The following KCNJ6 variants were observed in gnomAD, a reference collection of about 807,000 sequenced individuals.
KCNJ6 encodes the protein G protein-activated inward rectifier potassium channel 2.
A neutral mutation model predicts 34.2 loss-of-function variants in KCNJ6; 9 were observed. That is an observed-to-expected ratio of 0.26 (90% CI 0.16 to 0.46). The LOEUF (loss-of-function observed/expected upper bound fraction) is 0.46. KCNJ6 is among the 20% of genes least tolerant of loss of function. The pLI is 1.00. For missense variants in KCNJ6, 236 were observed against 531.3 expected (o/e 0.44, Z 5.46); for synonymous variants, 196 against 207.1 (o/e 0.95, Z 0.46).
chr21:37,866,406 T>C (rs1368304823), intron 1 of KCNJ6, among the ~76,000 whole-genome samples: 1 of 152,190 alleles, frequency 6.6e-6, no homozygotes, highest in South Asian at 2.1e-4. Flanking sequence ...GAGAATACCT[T>C]TGGGTTTCTA....
chr21:37,697,089 T>C (rs557661416), intron 3 of KCNJ6, among the ~76,000 whole-genome samples: 4 of 152,338 alleles, frequency 2.6e-5, no homozygotes, highest in African/African-American at 9.6e-5. Context: ...ACAGGTGCTG[T>C]GGTCTTCATG....
intron 3 of KCNJ6, among the ~76,000 whole-genome samples, chr21:37,697,488 G>A (rs1190261376): frequency 1.3e-5 from 2 of 152,204 alleles, no homozygotes; most frequent in Non-Finnish European, 2.9e-5. Context: ...ACGACTTTGA[G>A]TTGAGAAATT....
chr21:37,884,309 C>A (rs1601516344), intron 1 of KCNJ6, among the ~76,000 whole-genome samples: 1 of 152,158 alleles, frequency 6.6e-6, no homozygotes, highest in African/African-American at 2.4e-5. Context: ...CAGGTGTTCA[C>A]CTTGTTCCTC....
chr21:37,733,619 A>AAAAACCC (rs2054897588), intron 2 of KCNJ6, among the ~76,000 whole-genome samples: 1 of 152,164 alleles, frequency 6.6e-6, no homozygotes, highest in Non-Finnish European at 1.5e-5. Flanking sequence ...GTTTTTTAGG[A>AAAAACCC]TAAAATAAGA....
chr21:37,835,389 T>G (rs2055446801), intron 2 of KCNJ6, among the ~76,000 whole-genome samples: 2 of 152,130 alleles, frequency 1.3e-5, no homozygotes, highest in Admixed American at 1.3e-4. Context: ...AGACCAGATA[T>G]CTGATTACAA....
chr21:37,740,544 A>G (rs2054936066), intron 2 of KCNJ6, among the ~76,000 whole-genome samples: 1 of 152,146 alleles, frequency 6.6e-6, no homozygotes, highest in African/African-American at 2.4e-5. Context: ...GACTGAACCA[A>G]TGTATTTCTG....
At chr21:37,670,812 C>G (rs1389202641) in intron 3 of KCNJ6, among the ~76,000 whole-genome samples, 4 of 152,238 alleles carry the variant, frequency 2.6e-5, no homozygotes, top group Non-Finnish European at 4.4e-5. Context: ...GCCCTCCAAC[C>G]TATAAGCACA....
intron 1 of KCNJ6, among the ~76,000 whole-genome samples, chr21:37,894,984 A>AT (rs909946568): frequency 4.6e-5 from 7 of 152,216 alleles, no homozygotes; most frequent in Non-Finnish European, 8.8e-5. Flanking sequence ...TGTTGCCCAG[A>AT]TTGGTCTCAA....
intron 3 of KCNJ6, among the ~76,000 whole-genome samples, chr21:37,658,781 G>A (rs2054475601): frequency 6.6e-6 from 1 of 152,214 alleles, no homozygotes; most frequent in African/African-American, 2.4e-5. Context: ...AACAGAGGCA[G>A]TGGTCCTTTG....
intron 1 of KCNJ6, among the ~76,000 whole-genome samples, chr21:37,885,486 G>A (rs991904948): frequency 6.6e-6 from 1 of 152,222 alleles, no homozygotes; most frequent in Admixed American, 6.5e-5. Context: ...TTAAGAGAGG[G>A]AGATGATCCT....
At chr21:37,817,948 A>C (rs535923587) in intron 2 of KCNJ6, among the ~76,000 whole-genome samples, 5 of 152,236 alleles carry the variant, frequency 3.3e-5, no homozygotes, top group Non-Finnish European at 5.9e-5. Context: ...CGCACTAGAC[A>C]AACTGGATAT....
chr21:37,784,751 G>A (rs879170933), intron 2 of KCNJ6, among the ~76,000 whole-genome samples: 10 of 152,082 alleles, frequency 6.6e-5, no homozygotes, highest in African/African-American at 2.4e-5. Flanking sequence ...CCTGGGATGT[G>A]TGAATTGCTG....
chr21:37,721,310 T>C (rs548467918), intron 2 of KCNJ6, among the ~76,000 whole-genome samples: 94 of 152,366 alleles, frequency 6.2e-4, no homozygotes, highest in Middle Eastern at 3.4e-3. Flanking sequence ...ATTGGAATGC[T>C]GGTATATCAC....
chr21:37,791,670 A>G (rs1033750128), intron 2 of KCNJ6, among the ~76,000 whole-genome samples: 6 of 152,192 alleles, frequency 3.9e-5, no homozygotes, highest in Admixed American at 3.9e-4. Flanking sequence ...TTTATTGGCC[A>G]CCTGTCTTCC....
chr21:37,633,466 G>A (rs2054342681), intron 3 of KCNJ6, among the ~76,000 whole-genome samples: 1 of 145,900 alleles, frequency 6.9e-6, no homozygotes, highest in African/African-American at 2.6e-5. Context: ...TTTTACCAAA[G>A]GCCTTTGCCA....
At chr21:37,627,383 T>G (rs141602165) in intron 3 of KCNJ6, among the ~76,000 whole-genome samples, 1 of 152,358 alleles carries the variant, frequency 6.6e-6, no homozygotes, top group Admixed American at 6.5e-5. Flanking sequence ...AACACTGATT[T>G]GATTTTACTT....
At chr21:37,824,891 C>T (rs1239214015) in intron 2 of KCNJ6, among the ~76,000 whole-genome samples, 2 of 151,914 alleles carry the variant, frequency 1.3e-5, no homozygotes, top group Non-Finnish European at 2.9e-5. Context: ...AAGGATTCTC[C>T]CTAATACAGG....
chr21:37,661,798 AT>A (rs35700310), intron 3 of KCNJ6, among the ~76,000 whole-genome samples: 143,801 of 147,476 alleles, frequency 0.98, 70,136 homozygotes, highest in East Asian at 1. Context: ...AATTTTTTCT[AT>A]TTTTTTTTTT....
At chr21:37,774,795 C>T (rs2055134290) in intron 2 of KCNJ6, among the ~76,000 whole-genome samples, 1 of 152,004 alleles carries the variant, frequency 6.6e-6, no homozygotes, top group African/African-American at 2.4e-5. Flanking sequence ...TTGTGAATAG[C>T]GCCGCAGTAA....
Sources: gnomAD v4.1 joint callset for allele counts (sites outside exome capture counted in the v4.1 genomes callset) on GRCh38, gnomAD v4.1.1 for gene constraint, MANE v1.5 for transcripts, NCBI Gene and HGNC (gene_info 2026-07-23, HGNC 2026-07-21) for gene names.